KIAA0319: variants seen among roughly 807,000 people sequenced by gnomAD.
KIAA0319 encodes dyslexia-associated protein KIAA0319.
In KIAA0319, 83 loss-of-function variants were observed where a neutral mutation model predicts 108.4. The observed-to-expected ratio is 0.77, with a 90% confidence interval of 0.64 to 0.92. KIAA0319 has a LOEUF of 0.92. KIAA0319 is among the 40% of genes least tolerant of loss of function. KIAA0319 has a pLI of 0.00. For synonymous variants in KIAA0319, 484 were observed against 510.4 expected (o/e 0.95, Z 0.70); for missense variants, 1,195 against 1,322.4 (o/e 0.90, Z 1.49).
chr6:24,638,388 C>G (rs1582367399), intron 1 of KIAA0319, among the ~76,000 whole-genome samples: 3 of 152,096 alleles, frequency 2.0e-5, no homozygotes, highest in African/African-American at 7.2e-5. Context: ...TTGGAAAATG[C>G]AAACAAATAA....
chr6:24,600,790 T>C, intron 2 of KIAA0319: 1 of 780,858 alleles, frequency 1.3e-6, no homozygotes, highest in Non-Finnish European at 2.0e-6. Flanking sequence ...TTCTTTTCAA[T>C]ATATAAACAT....
At chr6:24,615,468 A>G (rs1773028049) in intron 1 of KIAA0319, among the ~76,000 whole-genome samples, 1 of 152,212 alleles carries the variant, frequency 6.6e-6, no homozygotes, top group South Asian at 2.1e-4. Flanking sequence ...ATATAAAACA[A>G]ACTAAGAGAA....
chr6:24,589,607 C>T (rs1768137450), intron 3 of KIAA0319, among the ~76,000 whole-genome samples: 1 of 152,196 alleles, frequency 6.6e-6, no homozygotes, highest in Non-Finnish European at 1.5e-5. Flanking sequence ...CTTGCTCTCT[C>T]ACCTGCTGCC....
In KIAA0319 at chr6:24,644,030, T is replaced by C. The variant is rs115563696; in HGVS notation, c.-106+1706A>G. 6.4e-3 allele frequency among the ~76,000 whole-genome samples: 972 copies of C among 152,348 alleles called. 2 individuals are homozygous for C. The highest frequency in any genetic ancestry group is 0.011 in the Non-Finnish European group (752 of 68,028). ...TACATACAGCAGTGCCTCAATAACA[T>C]AGTTTCATTCAACGTTGGTGACAAA... On this transcript the variant is annotated intron_variant, in intron 1 of 20. Transcript: ENST00000378214.
Position 24,583,642 on chromosome 6 carries a change from A to G in KIAA0319, c.1055T>C (p.Val352Ala), listed in dbSNP as rs761192258. The change falls in exon 5 of 21, where the codon GTT becomes GCT. Residue 352 changes from valine to alanine, a missense_variant. Transcript: ENST00000378214. ...NLIITLPDNE[V>A]ELKAFVAPAP... Reference sequence around the variant, plus strand: ...TGGCGCAACAAAGGCCTTCAGTTCAACTTCATTGTCGGGTAAAGTTATAAT... The same window carrying G: ...TGGCGCAACAAAGGCCTTCAGTTCAGCTTCATTGTCGGGTAAAGTTATAAT... 2.5e-6 allele frequency: 4 copies of G among 1,613,878 alleles called. No individual in the cohort carries two copies. In the African/African-American group the frequency reaches 5.3e-5, roughly 22 times the overall value.
At chr6:24,583,903 A>T (rs1055271606) in intron 4 of KIAA0319, among the ~76,000 whole-genome samples, 2 of 152,218 alleles carry the variant, frequency 1.3e-5, no homozygotes, top group African/African-American at 4.8e-5. Context: ...CAGGGTTTTA[A>T]ACCACAAATA....
At chr6:24,584,932 G>A (rs987470759) in intron 4 of KIAA0319, among the ~76,000 whole-genome samples, 2 of 152,080 alleles carry the variant, frequency 1.3e-5, no homozygotes, top group South Asian at 4.1e-4. Flanking sequence ...TTCTTTTTCC[G>A]TATACTACAC....
At chr6:24,631,208 C>G (rs1775538062) in intron 1 of KIAA0319, among the ~76,000 whole-genome samples, 1 of 152,224 alleles carries the variant, frequency 6.6e-6, no homozygotes, top group South Asian at 2.1e-4. Flanking sequence ...ATTCCTCTTT[C>G]CTTGCCGTAT....
intron 3 of KIAA0319, among the ~76,000 whole-genome samples, chr6:24,592,164 T>C (rs1768591956): frequency 6.6e-6 from 1 of 152,238 alleles, no homozygotes. Context: ...TTTTAACTCA[T>C]ATATTGAGAA....
At chr6:24,619,760 T>C (rs1773660904) in intron 1 of KIAA0319, among the ~76,000 whole-genome samples, 1 of 152,238 alleles carries the variant, frequency 6.6e-6, no homozygotes, top group Non-Finnish European at 1.5e-5. Context: ...CCTAGTCACA[T>C]GCATCTGCAG....
At chr6:24,597,940 A>AAAAAAAAAAAAAAC (rs1562032993) in intron 2 of KIAA0319, 11 of 147,080 alleles carry the variant, frequency 7.5e-5, no homozygotes, top group African/African-American at 2.4e-4. Context: ...AAAAAAAAAA[A>AAAAAAAAAAAAAAC]AAAAAAAAAA....
intron 3 of KIAA0319, among the ~76,000 whole-genome samples, chr6:24,591,639 C>T (rs144758565): frequency 3.2e-4 from 49 of 152,318 alleles, no homozygotes; most frequent in Middle Eastern, 6.8e-3. Flanking sequence ...GTGGCTGCAA[C>T]ATCTCACATT....
chr6:24,568,718 C>A, intron 13 of KIAA0319, 63 bp downstream of exon 13: 1 of 1,510,808 alleles, frequency 6.6e-7, no homozygotes, highest in Non-Finnish European at 9.1e-7. Context: ...CATGGCCTGG[C>A]TGAGGGTCCT....
chr6:24,541,938 G>A (rs180960148), downstream of KIAA0319, among the ~76,000 whole-genome samples: 4 of 152,234 alleles, frequency 2.6e-5, no homozygotes, highest in East Asian at 1.9e-4. Context: ...CCAGGAGTTC[G>A]AGACTAGCCT....
chr6:24,626,283 C>T (rs1774701063), intron 1 of KIAA0319, among the ~76,000 whole-genome samples: 1 of 152,146 alleles, frequency 6.6e-6, no homozygotes, highest in Non-Finnish European at 1.5e-5. Context: ...TGTCATCCCA[C>T]AACTTTGGGA....
At chr6:24,645,466 G>T (rs1194995376) in intron 1 of KIAA0319, among the ~76,000 whole-genome samples, 2 of 152,152 alleles carry the variant, frequency 1.3e-5, no homozygotes, top group African/African-American at 2.4e-5. Context: ...AGTTCTGAAT[G>T]AAGTTTAAAG....
At chr6:24,547,863 C>T (rs567903325) in intron 20 of KIAA0319, among the ~76,000 whole-genome samples, 1 of 152,254 alleles carries the variant, frequency 6.6e-6, no homozygotes, top group African/African-American at 2.4e-5. Context: ...TGGTGTCTAG[C>T]TAGGGGTTTA....
chr6:24,553,012 G>A (rs1336179439), intron 19 of KIAA0319, among the ~76,000 whole-genome samples: 1 of 152,030 alleles, frequency 6.6e-6, no homozygotes, highest in Non-Finnish European at 1.5e-5. Flanking sequence ...TGAGCATGGG[G>A]TTCTGGAAGA....
At chr6:24,549,120 G>A (rs181279177) in intron 20 of KIAA0319, among the ~76,000 whole-genome samples, 12 of 151,914 alleles carry the variant, frequency 7.9e-5, no homozygotes, top group African/African-American at 2.4e-4. Flanking sequence ...TCAGGAGTTC[G>A]AGACCAGCCT....
Sources: allele counts gnomAD v4.1 joint callset (sites outside exome capture counted in the v4.1 genomes callset), GRCh38; gene constraint gnomAD v4.1.1; transcripts MANE v1.5; gene names NCBI Gene and HGNC (gene_info 2026-07-23, HGNC 2026-07-21).